The following UPB1 variants were observed in gnomAD, a reference collection of about 807,000 sequenced individuals.
The protein encoded by UPB1 is beta-ureidopropionase.
UPB1 carries 40 observed loss-of-function variants against 49.1 expected under a neutral mutation model. The observed-to-expected ratio is 0.81, with a 90% confidence interval of 0.63 to 1.06. UPB1 has a LOEUF of 1.06. Ranked by LOEUF, UPB1 falls within the 50% of genes least tolerant of loss-of-function variation. The probability of loss-of-function intolerance (pLI) is 0.00; values close to 1 mark genes in which losing one functional copy is unlikely to be tolerated. For synonymous variants in UPB1, 207 were observed against 198.2 expected, an observed-to-expected ratio of 1.04 and a Z score of -0.38; for missense variants, 499 against 505.9, an observed-to-expected ratio of 0.99 and a Z score of 0.13.
chr22:24,522,510 TA>T (rs1228552758), intron 8 of UPB1, among the ~76,000 whole-genome samples: 2 of 152,084 alleles, frequency 1.3e-5, no homozygotes, highest in Non-Finnish European at 2.9e-5. Context: ...CTAAGAACCC[TA>T]AAGACTCCTT....
chr22:24,523,817 G>A, intron 9 of UPB1, 44 bp downstream of exon 9: 2 of 1,613,102 alleles, frequency 1.2e-6, no homozygotes, highest in Non-Finnish European at 1.7e-6. Context: ...CTCTGCTTTG[G>A]CCCTCATCCT....
At chr22:24,520,752 G>A (rs148505213) in intron 7 of UPB1, among the ~76,000 whole-genome samples, 234 of 152,270 alleles carry the variant, frequency 1.5e-3, no homozygotes, top group African/African-American at 5.4e-3. Context: ...AGTTTTGACT[G>A]CCAAACAGAA....
chr22:24,512,582 T>C (rs1431200602), intron 4 of UPB1, among the ~76,000 whole-genome samples: 1 of 152,230 alleles, frequency 6.6e-6, no homozygotes, highest in Non-Finnish European at 1.5e-5. Context: ...TTAACCACTT[T>C]TAAGTGCACA....
At chr22:24,513,511 C>G in intron 5 of UPB1, 26 bp downstream of exon 5, 1 of 1,609,250 alleles carries the variant, frequency 6.2e-7, no homozygotes, top group Non-Finnish European at 8.5e-7. Flanking sequence ...GATAGATAAC[C>G]AGCCCTGCTC....
At chr22:24,522,059 T>C (rs200975731) in intron 8 of UPB1, 31 bp downstream of exon 8, 1 of 1,612,426 alleles carries the variant, frequency 6.2e-7, no homozygotes, top group Non-Finnish European at 8.5e-7. Context: ...TGGCTGCAGT[T>C]GAGGAGTGGG....
intron 5 of UPB1, 125 bp downstream of exon 5, chr22:24,513,610 C>A: frequency 7.4e-7 from 1 of 1,342,388 alleles, no homozygotes; most frequent in Non-Finnish European, 1.0e-6. Context: ...GTACACTCCA[C>A]GGGAGCACAG....
intron 3 of UPB1, among the ~76,000 whole-genome samples, chr22:24,506,595 G>A (rs1432016315): frequency 1.3e-5 from 2 of 152,182 alleles, no homozygotes; most frequent in Admixed American, 1.3e-4. Context: ...TGTTAATGGG[G>A]TTTCAGGAAA....
chr22:24,504,662 G>A (rs994242036), intron 3 of UPB1, among the ~76,000 whole-genome samples: 1 of 149,004 alleles, frequency 6.7e-6, no homozygotes, highest in South Asian at 2.1e-4. Flanking sequence ...TTTCTAGACA[G>A]TCCTACTATT....
chr22:24,514,683 G>A (rs1456710624), intron 5 of UPB1, among the ~76,000 whole-genome samples: 3 of 152,192 alleles, frequency 2.0e-5, no homozygotes, highest in African/African-American at 2.4e-5. Context: ...GAGAAGGTGC[G>A]CTTTCAGGGT....
intron 8 of UPB1, among the ~76,000 whole-genome samples, chr22:24,522,487 C>T (rs112285990): frequency 6.6e-6 from 1 of 152,054 alleles, no homozygotes; most frequent in African/African-American, 2.4e-5. Flanking sequence ...GGGCATATAC[C>T]ACCTCACCTC....
At chr22:24,502,271 A>G (rs760995440) in intron 3 of UPB1, 58 bp downstream of exon 3, 3 of 1,546,662 alleles carry the variant, frequency 1.9e-6, no homozygotes, top group Non-Finnish European at 2.7e-6. Flanking sequence ...TATTCTCTCC[A>G]TGTTGCCAAG....
chr22:24,511,207 G>C (rs2044194954), intron 4 of UPB1, among the ~76,000 whole-genome samples: 1 of 152,156 alleles, frequency 6.6e-6, no homozygotes, highest in African/African-American at 2.4e-5. Flanking sequence ...CAGTTTGCTT[G>C]AGTCACAGAA....
intron 8 of UPB1, 135 bp from the exon 9 acceptor site, chr22:24,523,484 C>G: frequency 7.6e-7 from 1 of 1,323,296 alleles, no homozygotes; most frequent in South Asian, 1.2e-5. Flanking sequence ...GCCTTTTGGG[C>G]CTCAGCATTT....
At chr22:24,512,764 T>G (rs2044228567) in intron 4 of UPB1, among the ~76,000 whole-genome samples, 1 of 152,210 alleles carries the variant, frequency 6.6e-6, no homozygotes, top group African/African-American at 2.4e-5. Flanking sequence ...TCTAGATACC[T>G]TACACAAGTG....
At chr22:24,502,394 G>A in intron 3 of UPB1, 181 bp downstream of exon 3, 2 of 796,248 alleles carry the variant, frequency 2.5e-6, no homozygotes, top group Non-Finnish European at 4.6e-6. Flanking sequence ...CCGAGCTGTT[G>A]TCTGATTCCT....
At chr22:24,514,117 C>A (rs1288587914) in intron 5 of UPB1, among the ~76,000 whole-genome samples, 1 of 152,108 alleles carries the variant, frequency 6.6e-6, no homozygotes, top group Non-Finnish European at 1.5e-5. Context: ...ATGACCTCTG[C>A]CTAATGCCTA....
At chr22:24,495,621 T>G in intron 1 of UPB1, 114 bp downstream of exon 1, 1 of 1,178,196 alleles carries the variant, frequency 8.5e-7, no homozygotes, top group Non-Finnish European at 1.2e-6. Context: ...CGGTGAGAAG[T>G]CCTGAGTTGG....
intron 3 of UPB1, among the ~76,000 whole-genome samples, chr22:24,509,361 G>GAAAAAAAAAAAAAA (rs202081655): frequency 5.2e-4 from 48 of 92,152 alleles, no homozygotes; most frequent in East Asian, 6.6e-4. Context: ...CCTACTGTTT[G>GAAAAAAAAAAAAAA]AAAAAAAAAA....
At chr22:24,520,291 C>T in intron 6 of UPB1, 96 bp from the exon 7 acceptor site, 3 of 1,403,668 alleles carry the variant, frequency 2.1e-6, no homozygotes, top group Non-Finnish European at 3.0e-6. Flanking sequence ...ACCACTGGCC[C>T]AGGAAAGCCT....
Sources: gnomAD v4.1 joint callset for allele counts (sites outside exome capture counted in the v4.1 genomes callset) on GRCh38, gnomAD v4.1.1 for gene constraint, MANE v1.5 for transcripts, NCBI Gene and HGNC (gene_info 2026-07-23, HGNC 2026-07-21) for gene names.